The following OR51I2 variants were observed in gnomAD, a reference collection of about 807,000 sequenced individuals.
OR51I2 encodes olfactory receptor family 51 subfamily I member 2.
In OR51I2, 6 loss-of-function variants were observed where a neutral mutation model predicts 9.3. The ratio of observed to expected loss-of-function variants is 0.64; its 90% CI spans 0.35 to 1.27. The LOEUF is 1.27. Ranked by LOEUF, OR51I2 falls within the 50% of genes most tolerant of loss-of-function variation. The probability of loss-of-function intolerance (pLI) is 0.03; values close to 1 mark genes in which losing one functional copy is unlikely to be tolerated. For synonymous variants in OR51I2, 179 were observed against 143.1 expected (o/e 1.25, Z -1.79); for missense variants, 489 against 396.4 (o/e 1.23, Z -1.98).
chr11:5,455,568 A>AGAGAGAGAGAGAGAGAGAAAGAGAGAG lies in OR51I2; in HGVS notation c.*1151_*1152insGAGAGAGAAAGAGAGAGGAGAGAGAGA, dbSNP rs531763892. 6 of 135,426 alleles carry AGAGAGAGAGAGAGAGAGAAAGAGAGAG rather than the reference A, an allele frequency of 4.4e-5. No individual in the cohort carries two copies. The highest frequency in any genetic ancestry group is 9.3e-5 in the Non-Finnish European group (6 of 64,502). The allele number at this position is 135,426 out of a possible 1,614,324, so 8.4% of individuals were successfully genotyped here. A position where few individuals can be genotyped will look rare whatever the true frequency, so the allele number is the denominator to read the frequency against. ...GATTGGGGGAGAAAGAAGGGGGGAG[A>AGAGAGAGAGAGAGAGAGAAAGAGAGAG]GAGAGAGAGAAAGAGAAAGAGAGAA... On this transcript the variant is annotated 3_prime_UTR_variant, in exon 2 of 2. Coordinates refer to ENST00000641930, the MANE Select transcript of OR51I2 (RefSeq NM_001004754.3).
rs376718583 is a variant in OR51I2 at position 5,453,836 on chromosome 11, G to C, written c.348G>C (p.Leu116=). ...FFSMMESGIL[L]AMSFDRYVAI... ...CCATGATGGAATCAGGTATTCTGCT[G>C]GCCATGAGTTTTGACCGCTATGTGG... The change falls in exon 2 of 2, where the codon CTG becomes CTC. Residue 116 remains leucine, a synonymous_variant. Coordinates refer to ENST00000641930, the MANE Select transcript of OR51I2 (RefSeq NM_001004754.3). 6.2e-7 allele frequency: 1 copy of C among 1,614,178 alleles called. No individual in the cohort carries two copies. The highest frequency in any genetic ancestry group is 1.3e-5 in the African/African-American group (1 of 75,038).
rs1564819572 is a variant in OR51I2, at chr11:5,456,230, C to G, written c.*1803C>G. 6.6e-6 allele frequency: 1 copy of G among 152,128 alleles called. No homozygotes were observed. Among genetic ancestry groups the G allele is most frequent in the South Asian group, 2.1e-4 (1 of 4,830 alleles). The allele number at this position is 152,128 out of a possible 1,614,324, so 9.4% of individuals were successfully genotyped here. ...GGTGTAACATAGAAAGGGCAAGGAA[C>G]AAGAAAATATGAGCCTCCCAAAAAG... On this transcript the variant is annotated 3_prime_UTR_variant, in exon 2 of 2. Transcript: ENST00000641930.
rs1320204634 is a variant in OR51I2 at position 5,454,306 on chromosome 11, A to G, written c.818A>G (p.His273Arg). The change falls in exon 2 of 2, where the codon CAT (histidine) becomes CGT (arginine). Residue 273 changes from histidine to arginine, a missense_variant. Transcript: ENST00000641930. The part of the protein sequence containing the change: ...RFGKHVPCYI[H>R]VLMSNVYLFV... ...GGGAAGCATGTCCCATGCTACATAC[A>G]TGTCCTCATGTCAAATGTGTACCTA... is the stretch of plus-strand genomic sequence containing the variant. 1 of 1,614,130 alleles carries G rather than the reference A, an allele frequency of 6.2e-7. No individual in the cohort carries two copies. Among genetic ancestry groups the G allele is most frequent in the South Asian group, 1.1e-5 (1 of 91,072 alleles).
In OR51I2 at chr11:5,453,685, T is replaced by C. The variant is rs755933130; in HGVS notation, c.197T>C (p.Leu66Ser). The change falls in exon 2 of 2, where the codon TTG becomes TCG. Residue 66 changes from leucine (L) to serine (S), a missense_variant. By Grantham distance (145) the Leu-to-Ser change is moderately radical. Coordinates refer to ENST00000641930, the MANE Select transcript of OR51I2 (RefSeq NM_001004754.3). ...HEPMYYFLSM[L>S]SFSDVAISMA... ...CCCATGTACTACTTCCTGTCCATGT[T>C]GTCCTTCAGTGATGTGGCCATATCC... 2.5e-6 allele frequency: 4 copies of C among 1,613,570 alleles called. No individual in the cohort carries two copies. Among genetic ancestry groups the C allele is most frequent in the Non-Finnish European group, 2.5e-6 (3 of 1,179,756 alleles).
At position 5,453,542 on chromosome 11, in the gene OR51I2, T is replaced by C. The variant is rs751628694; in HGVS notation, c.54T>C (p.Pro18=). The C allele has an allele frequency of 1.9e-6, 3 of 1,600,406 alleles. No individual in the cohort carries two copies. In the African/African-American group the frequency reaches 4.0e-5, roughly 21 times the overall value. ...CATTCTTCCTCCTGACTGGTATCCC[T>C]GGTCTGGAGAGCTCTCACTCCTGGC... ...HPAFFLLTGI[P]GLESSHSWLS... is the part of the protein sequence containing the mutation. The change falls in exon 2 of 2, where the codon CCT becomes CCC. Residue 18 remains proline (P), a synonymous_variant. Transcript: ENST00000641930.
chr11:5,455,054 A>T lies in OR51I2; in HGVS notation c.*627A>T, dbSNP rs1045287546. The T allele has an allele frequency of 2.0e-5, 3 of 152,264 alleles. No individual in the cohort carries two copies. 9.4% of individuals were successfully genotyped at this position (152,264 alleles called of 1,614,324 possible). ...TTCACAAAGTGAAATCAGCTTAACTATTAGAACTCACCATAAAATGTATGA... is the reference window on the plus strand; with the variant it reads ...TTCACAAAGTGAAATCAGCTTAACTTTTAGAACTCACCATAAAATGTATGA... On this transcript the variant is annotated 3_prime_UTR_variant, in exon 2 of 2. Coordinates refer to ENST00000641930, the MANE Select transcript of OR51I2 (RefSeq NM_001004754.3).
chr11:5,451,064 C>T (rs574751460), intron 1 of OR51I2, among the ~76,000 whole-genome samples: 23 of 152,284 alleles, frequency 1.5e-4, no homozygotes, highest in South Asian at 1.0e-3. Flanking sequence ...AAGTATTAAA[C>T]GAGAAAATAA....
chr11:5,455,881 A>G lies in OR51I2; in HGVS notation c.*1454A>G, dbSNP rs1025509717. The G allele has an allele frequency of 6.6e-5, 10 of 152,184 alleles. No individual in the cohort carries two copies. Among genetic ancestry groups the G allele is most frequent in the African/African-American group, 2.2e-4 (9 of 41,446 alleles). The allele number at this position is 152,184 out of a possible 1,614,324, so 9.4% of individuals were successfully genotyped here. The stretch of plus-strand genomic sequence containing the variant: ...ATATATGTGTCCTGGCCCACTAAAT[A>G]GATTGCTTTTAGAAGAATGTTTGGA... On this transcript the variant is annotated 3_prime_UTR_variant, in exon 2 of 2. Transcript: ENST00000641930.
At position 5,449,719 on chromosome 11, in the gene OR51I2, C is replaced by T. The variant is rs78386675; in HGVS notation, c.-231+355C>T. 9.5e-3 allele frequency among the ~76,000 whole-genome samples: 1,443 copies of T among 152,184 alleles called. 23 individuals are homozygous for T. The highest frequency in any genetic ancestry group is 9.3e-3 in the Non-Finnish European group (630 of 68,018). ...CAGGACTCAGGATACAGGAACGGTT[C>T]GGGAATCTAGAAGGGAAGTGGTCAC... On this transcript the variant is annotated intron_variant, in intron 1 of 1. Coordinates refer to ENST00000641930, the MANE Select transcript of OR51I2 (RefSeq NM_001004754.3).
chr11:5,450,165 G>C (rs1299803841), intron 1 of OR51I2, among the ~76,000 whole-genome samples: 1 of 152,078 alleles, frequency 6.6e-6, no homozygotes, highest in Non-Finnish European at 1.5e-5. Context: ...GAGGTGGTCA[G>C]ATCACCTGAG....
intron 1 of OR51I2, among the ~76,000 whole-genome samples, chr11:5,449,923 T>G (rs1427196035): frequency 6.6e-6 from 1 of 152,194 alleles, no homozygotes; most frequent in African/African-American, 2.4e-5. Flanking sequence ...TGATACAGAT[T>G]GAAAACTGTG....
rs1195449913 is a variant in OR51I2 at position 5,454,395 on chromosome 11, A to G, written c.907A>G (p.Ile303Val). 2 of 1,608,192 alleles carry G rather than the reference A, an allele frequency of 1.2e-6. No individual in the cohort carries two copies. The highest frequency in any genetic ancestry group is 1.4e-5 in the African/African-American group (1 of 72,968). The part of the protein sequence containing the change: ...SAKTKEIRRA[I>V]FRMFHHIKI ...CAAGACAAAGGAAATCCGCCGAGCC[A>G]TTTTCCGCATGTTTCACCACATCAA... is the stretch of plus-strand genomic sequence containing the variant. Residue 303 changes from isoleucine to valine, a missense_variant, in exon 2 of 2, where the codon ATT becomes GTT. By Grantham distance (29) the Ile-to-Val change is conservative. Coordinates refer to ENST00000641930, the MANE Select transcript of OR51I2 (RefSeq NM_001004754.3).
rs1305855358 is a variant in OR51I2 at position 5,454,691 on chromosome 11, A to C, written c.*264A>C. On this transcript the variant is annotated 3_prime_UTR_variant, in exon 2 of 2. Transcript: ENST00000641930. ...TTACAGAGGAAGACTAATTTAAGCT[A>C]GGAATTATTTTCTATAATAATGAAT... The C allele has an allele frequency of 3.5e-6, 1 of 287,106 alleles. No homozygotes were observed. The highest frequency in any genetic ancestry group is 6.5e-6 in the Non-Finnish European group (1 of 154,466). The allele number at this position is 287,106 out of a possible 1,614,324, so 17.8% of individuals were successfully genotyped here. A position where few individuals can be genotyped will look rare whatever the true frequency, so the allele number is the denominator to read the frequency against.
chr11:5,454,367 C>T lies in OR51I2; in HGVS notation c.879C>T (p.Ser293=), dbSNP rs11037503. The change falls in exon 2 of 2, where the codon AGC becomes AGT. Residue 293 remains serine (S), a synonymous_variant. Coordinates refer to ENST00000641930, the MANE Select transcript of OR51I2 (RefSeq NM_001004754.3). ...VPPVLNPLIY[S]AKTKEIRRAI... ...CTGTGCTCAACCCTCTCATTTATAG[C>T]GCCAAGACAAAGGAAATCCGCCGAG... 554,963 of 1,613,074 alleles carry T rather than the reference C, an allele frequency of 0.34. 102,734 individuals are homozygous for T. The highest frequency in any genetic ancestry group is 0.38 in the Non-Finnish European group (453,316 of 1,179,664).
chr11:5,449,910 C>T (rs1045033161), intron 1 of OR51I2, among the ~76,000 whole-genome samples: 1 of 152,164 alleles, frequency 6.6e-6, no homozygotes, highest in African/African-American at 2.4e-5. Flanking sequence ...TCTTTATTAT[C>T]CATGATACAG....
Position 5,455,246 on chromosome 11 carries a change from T to G in OR51I2, c.*819T>G, listed in dbSNP as rs1373927081. 14 of 151,978 alleles carry G rather than the reference T, an allele frequency of 9.2e-5. No homozygotes were observed. The highest frequency in any genetic ancestry group is 9.2e-4 in the Admixed American group (14 of 15,244). The allele number at this position is 151,978 out of a possible 1,614,324, so 9.4% of individuals were successfully genotyped here. ...TTTTGGGGGAAAGGGGGAATTGTGG[T>G]AGGGGCACAATTTCTATTTCTCTTT... On this transcript the variant is annotated 3_prime_UTR_variant, in exon 2 of 2. Transcript: ENST00000641930.
Position 5,454,214 on chromosome 11 carries a change from G to A in OR51I2, c.726G>A (p.Val242=). The change falls in exon 2 of 2, where the codon GTG becomes GTA. Residue 242 remains valine, a synonymous_variant. Coordinates refer to ENST00000641930, the MANE Select transcript of OR51I2 (RefSeq NM_001004754.3). The part of the protein sequence containing the change: ...EERLKALNTC[V]SHILAVLAFY... Reference sequence around the variant, plus strand: ...GCCTCAAAGCTCTCAACACATGTGTGTCACATATCCTGGCTGTACTTGCAT... The same window carrying A: ...GCCTCAAAGCTCTCAACACATGTGTATCACATATCCTGGCTGTACTTGCAT... The A allele has an allele frequency of 6.2e-7, 1 of 1,614,170 alleles. No individual in the cohort carries two copies. The highest frequency in any genetic ancestry group is 1.3e-5 in the African/African-American group (1 of 75,046).
At position 5,454,475 on chromosome 11, in the gene OR51I2, T is replaced by TCAGTAGCA; in HGVS notation, c.*49_*56dup. On this transcript the variant is annotated 3_prime_UTR_variant, in exon 2 of 2. Coordinates refer to ENST00000641930, the MANE Select transcript of OR51I2 (RefSeq NM_001004754.3). Reference sequence around the variant, plus strand: ...CTGTTATTTTGGCCATAGGCTCTCATCAGTAGCATCGTCATCATCATCATC... The same window carrying TCAGTAGCA: ...CTGTTATTTTGGCCATAGGCTCTCATCAGTAGCACAGTAGCATCGTCATCATCATCATC... 7.1e-7 allele frequency: 1 copy of TCAGTAGCA among 1,400,370 alleles called. No individual in the cohort carries two copies. Among genetic ancestry groups the TCAGTAGCA allele is most frequent in the Non-Finnish European group, 9.8e-7 (1 of 1,016,428 alleles). 86.7% of individuals were successfully genotyped at this position (1,400,370 alleles called of 1,614,324 possible). A position where few individuals can be genotyped will look rare whatever the true frequency, so the allele number is the denominator to read the frequency against.
rs1474536452 is a variant in OR51I2, at chr11:5,455,061, C to T, written c.*634C>T. 6.6e-6 allele frequency: 1 copy of T among 152,236 alleles called. No homozygotes were observed. Among genetic ancestry groups the T allele is most frequent in the Non-Finnish European group, 1.5e-5 (1 of 68,062 alleles). 9.4% of individuals were successfully genotyped at this position (152,236 alleles called of 1,614,324 possible). A position where few individuals can be genotyped will look rare whatever the true frequency, so the allele number is the denominator to read the frequency against. ...AGTGAAATCAGCTTAACTATTAGAA[C>T]TCACCATAAAATGTATGAACAAATG... On this transcript the variant is annotated 3_prime_UTR_variant, in exon 2 of 2. Coordinates refer to ENST00000641930, the MANE Select transcript of OR51I2 (RefSeq NM_001004754.3).
Sources: gnomAD v4.1 joint callset for allele counts (sites outside exome capture counted in the v4.1 genomes callset) on GRCh38, gnomAD v4.1.1 for gene constraint, MANE v1.5 for transcripts, NCBI Gene and HGNC (gene_info 2026-07-23, HGNC 2026-07-21) for gene names.